Variants in TNNI3 observed in about 807,000 individuals in gnomAD.
TNNI3 encodes troponin I, cardiac muscle.
A neutral mutation model predicts 31.5 loss-of-function variants in TNNI3; 23 were observed. The ratio of observed to expected loss-of-function variants is 0.73; its 90% CI spans 0.52 to 1.03. The LOEUF is 1.03. Ranked by LOEUF, TNNI3 falls within the 50% of genes least tolerant of loss-of-function variation. TNNI3 has a pLI of 0.00. For synonymous variants in TNNI3, 120 were observed against 111.7 expected (o/e 1.07, Z -0.47); for missense variants, 236 against 282.9 (o/e 0.83, Z 1.19).
At chr19:55,154,682 A>G (rs2085715598) in intron 6 of TNNI3, 59 bp downstream of exon 6, 1 of 1,490,104 alleles carries the variant, frequency 6.7e-7, no homozygotes, top group Admixed American at 1.7e-5. Flanking sequence ...TCAGGCAGAG[A>G]CCAAGTCCCA....
Position 55,157,034 on chromosome 19 carries a change from G to A in TNNI3, c.108+16C>T. On this transcript the variant is annotated intron_variant, in intron 3 of 7. Coordinates refer to ENST00000344887, the MANE Select transcript of TNNI3 (RefSeq NM_000363.5). This position sits in a 1 kb window ranked among gnomAD's most constrained non-coding sequence, Gnocchi z 6.3. Reference sequence around the variant, plus strand: ...CTCCGGCGCCTGTACTCTGCCCCCAGGAAGCCCCGTCCCACCTTGGCGTGC... The same window carrying A: ...CTCCGGCGCCTGTACTCTGCCCCCAAGAAGCCCCGTCCCACCTTGGCGTGC... 1.3e-6 allele frequency: 2 copies of A among 1,575,374 alleles called. No individual in the cohort carries two copies. The highest frequency in any genetic ancestry group is 2.0e-4 in the Middle Eastern group (1 of 4,948).
chr19:55,153,521 G>A (rs892393287), intron 7 of TNNI3, among the ~76,000 whole-genome samples: 14 of 151,830 alleles, frequency 9.2e-5, no homozygotes, highest in East Asian at 7.8e-4. Context: ...TGCCACCACC[G>A]TGACTGGCTA....
intron 6 of TNNI3, 178 bp downstream of exon 6, chr19:55,154,563 A>G: frequency 1.4e-6 from 1 of 697,556 alleles, no homozygotes; most frequent in Non-Finnish European, 2.6e-6. Context: ...CCCTCTGCCT[A>G]GAACAGCTTT....
In TNNI3 at chr19:55,152,561, TA is replaced by T. The variant is rs1216764381; in HGVS notation, c.550-645del. Among the ~76,000 whole-genome samples, 28 of 152,224 alleles carry T rather than the reference TA, an allele frequency of 1.8e-4. No individual in the cohort carries two copies. The highest frequency in any genetic ancestry group is 5.9e-5 in the Non-Finnish European group (4 of 68,038). On this transcript the variant is annotated intron_variant, in intron 7 of 7. Transcript: ENST00000344887. This position sits in a 1 kb window ranked among gnomAD's most constrained non-coding sequence, Gnocchi z 4.0. ...GAAAAGAAGGGTGATTACAGTGCTA[TA>T]AGATATTTTGAGAAAGAGACCACAT...
Position 55,156,407 on chromosome 19 carries a change from G to A in TNNI3, c.151-75C>T. On this transcript the variant is annotated intron_variant, in intron 4 of 7. Transcript: ENST00000344887. This position sits in a 1 kb window ranked among gnomAD's most constrained non-coding sequence, Gnocchi z 4.6. The stretch of plus-strand genomic sequence containing the variant: ...AGACCAGGCGTGGGGAACCGCCTCT[G>A]CCCTTCTAAACCCTCCAGTTTGGTC... The A allele has an allele frequency of 1.9e-6, 3 of 1,547,228 alleles. No homozygotes were observed. The highest frequency in any genetic ancestry group is 2.3e-4 in the Middle Eastern group (1 of 4,372).
In TNNI3 at chr19:55,157,513, G is replaced by A; in HGVS notation, c.11+66C>T. 1 of 1,607,374 alleles carries A rather than the reference G, an allele frequency of 6.2e-7. No individual in the cohort carries two copies. Among genetic ancestry groups the A allele is most frequent in the South Asian group, 1.1e-5 (1 of 90,564 alleles). On this transcript the variant is annotated intron_variant, in intron 1 of 7. Transcript: ENST00000344887. The surrounding 1 kb of genome is among the most constrained non-coding windows in gnomAD (Gnocchi z 6.3). The stretch of plus-strand genomic sequence containing the variant: ...CGCAGGCCAAGGGTCCAGCCTCTCA[G>A]CTGCGACCCCTCTTGGGAACCCGGG...
At position 55,156,791 on chromosome 19, in the gene TNNI3, G is replaced by A. The variant is rs2085734474; in HGVS notation, c.109-147C>T. The A allele has an allele frequency of 2.1e-6, 2 of 947,980 alleles. No individual in the cohort carries two copies. Among genetic ancestry groups the A allele is most frequent in the South Asian group, 2.8e-5 (2 of 70,632 alleles). The allele number at this position is 947,980 out of a possible 1,614,324, so 58.7% of individuals were successfully genotyped here. On this transcript the variant is annotated intron_variant, in intron 3 of 7. Transcript: ENST00000344887. This position sits in a 1 kb window ranked among gnomAD's most constrained non-coding sequence, Gnocchi z 4.6. ...GAGCCCTGAGTCTACGGGAGGCCAC[G>A]CCCCTCATTCCCATCCACCAATCTG...
chr19:55,151,905 C>G lies in TNNI3; in HGVS notation c.562G>C (p.Val188Leu). 6.2e-7 allele frequency: 1 copy of G among 1,614,130 alleles called. No homozygotes were observed. The highest frequency in any genetic ancestry group is 8.5e-7 in the Non-Finnish European group (1 of 1,179,974). The change falls in exon 8 of 8, where the codon GTG becomes CTG. Residue 188 changes from valine to leucine, a missense_variant. Coordinates refer to ENST00000344887, the MANE Select transcript of TNNI3 (RefSeq NM_000363.5). ...TCGATGTTCTTGCGCCAGTCTCCCA[C>G]CTCCCGGTTTTCCTGGAGGATGGCG... ...KEDTEKENRE[V>L]GDWRKNIDAL...
chr19:55,156,578 C>A lies in TNNI3; in HGVS notation c.150+25G>T. The A allele has an allele frequency of 1.3e-6, 2 of 1,557,798 alleles. No individual in the cohort carries two copies. Among genetic ancestry groups the A allele is most frequent in the East Asian group, 4.8e-5 (2 of 41,628 alleles). ...TCCGCCCCCTGAGCACCTGCCTGCT[C>A]TTTCCCAGTCCCGCCCGTCCTCACC... On this transcript the variant is annotated intron_variant, in intron 4 of 7. Transcript: ENST00000344887. This position sits in a 1 kb window ranked among gnomAD's most constrained non-coding sequence, Gnocchi z 4.6.
At chr19:55,154,002 C>T in intron 7 of TNNI3, 28 bp downstream of exon 7, 3 of 1,610,580 alleles carry the variant, frequency 1.9e-6, no homozygotes, top group Non-Finnish European at 8.5e-7. Flanking sequence ...CCTCAGCATC[C>T]TCTTTCCTGG....
In TNNI3 at chr19:55,157,148, G is replaced by T; in HGVS notation, c.25-15C>A. On this transcript the variant is annotated splice_polypyrimidine_tract_variant and intron_variant, in intron 2 of 7. Coordinates refer to ENST00000344887, the MANE Select transcript of TNNI3 (RefSeq NM_000363.5). This position sits in a 1 kb window ranked among gnomAD's most constrained non-coding sequence, Gnocchi z 6.3. ...GGTTCCCTAGCCTGGGTTAGGAGGA[G>T]TGGGGACCCCATCACCACCAAGACC... The T allele has an allele frequency of 6.3e-7, 1 of 1,595,204 alleles. No homozygotes were observed. The highest frequency in any genetic ancestry group is 8.5e-7 in the Non-Finnish European group (1 of 1,172,722).
Position 55,153,428 on chromosome 19 carries a change from G to A in TNNI3, c.549+602C>T, listed in dbSNP as rs140785087. The stretch of plus-strand genomic sequence containing the variant: ...CTCACTGTATTGCCCAGGCTGGAGT[G>A]CAGTGGTGCAGTCATAGCTCACTGC... On this transcript the variant is annotated intron_variant, in intron 7 of 7. Coordinates refer to ENST00000344887, the MANE Select transcript of TNNI3 (RefSeq NM_000363.5). 3.2e-3 allele frequency among the ~76,000 whole-genome samples: 485 copies of A among 152,208 alleles called. 3 individuals are homozygous for A. Among genetic ancestry groups the A allele is most frequent in the African/African-American group, 0.011 (455 of 41,534 alleles).
Position 55,156,831 on chromosome 19 carries a change from G to T in TNNI3, c.109-187C>A. 3.6e-6 allele frequency: 3 copies of T among 839,660 alleles called. No homozygotes were observed. The highest frequency in any genetic ancestry group is 5.8e-6 in the Non-Finnish European group (3 of 516,500). The allele number at this position is 839,660 out of a possible 1,614,324, so 52.0% of individuals were successfully genotyped here. A position where few individuals can be genotyped will look rare whatever the true frequency, so the allele number is the denominator to read the frequency against. Reference sequence around the variant, plus strand: ...CCACCAATCTGGGTCTCTTCCTTTGGATAGGCACTTCCCATCTATCCCTAA... The same window carrying T: ...CCACCAATCTGGGTCTCTTCCTTTGTATAGGCACTTCCCATCTATCCCTAA... On this transcript the variant is annotated intron_variant, in intron 3 of 7. Coordinates refer to ENST00000344887, the MANE Select transcript of TNNI3 (RefSeq NM_000363.5). This position sits in a 1 kb window ranked among gnomAD's most constrained non-coding sequence, Gnocchi z 4.6.
At position 55,157,713 on chromosome 19, in the gene TNNI3, T is replaced by G; in HGVS notation, c.-124A>C. 9.1e-7 allele frequency: 1 copy of G among 1,097,430 alleles called. No homozygotes were observed. Among genetic ancestry groups the G allele is most frequent in the Non-Finnish European group, 1.4e-6 (1 of 727,170 alleles). 68.0% of individuals were successfully genotyped at this position (1,097,430 alleles called of 1,614,324 possible). On this transcript the variant is annotated 5_prime_UTR_variant, in exon 1 of 8. Coordinates refer to ENST00000344887, the MANE Select transcript of TNNI3 (RefSeq NM_000363.5). This position sits in a 1 kb window ranked among gnomAD's most constrained non-coding sequence, Gnocchi z 6.3. ...GACCGTCAGTCTCCTCCGGGCTGCTTGAGACTCCCCGAGGACACTGAGATA... is the reference window on the plus strand; with the variant it reads ...GACCGTCAGTCTCCTCCGGGCTGCTGGAGACTCCCCGAGGACACTGAGATA...
At chr19:55,155,052 G>A (rs1242513381) in intron 5 of TNNI3, among the ~76,000 whole-genome samples, 2 of 145,020 alleles carry the variant, frequency 1.4e-5, no homozygotes, top group African/African-American at 5.1e-5. Flanking sequence ...TGGGTCTGAG[G>A]GAGGAGGGGC....
At position 55,156,650 on chromosome 19, in the gene TNNI3, A is replaced by T; in HGVS notation, c.109-6T>A. On this transcript the variant is annotated splice_polypyrimidine_tract_variant and splice_region_variant and intron_variant, in intron 3 of 7. Coordinates refer to ENST00000344887, the MANE Select transcript of TNNI3 (RefSeq NM_000363.5). This position sits in a 1 kb window ranked among gnomAD's most constrained non-coding sequence, Gnocchi z 4.6. ...GCGGAGATCTTAGATTTTTTCTGCC[A>T]GGGTGAGATGGAGCAAGGAAGGATC... 6.4e-7 allele frequency: 1 copy of T among 1,563,858 alleles called. No individual in the cohort carries two copies. The highest frequency in any genetic ancestry group is 8.7e-7 in the Non-Finnish European group (1 of 1,152,478).
At chr19:55,155,948 G>A (rs2085726504) in intron 5 of TNNI3, among the ~76,000 whole-genome samples, 1 of 142,466 alleles carries the variant, frequency 7.0e-6, no homozygotes, top group African/African-American at 2.8e-5. Context: ...GGACTCCAGG[G>A]TCTGAGGGAG....
chr19:55,155,183 C>T, intron 5 of TNNI3, among the ~76,000 whole-genome samples: 1 of 48,744 alleles, frequency 2.1e-5, no homozygotes. Flanking sequence ...GGGGCCTGGA[C>T]TTCAGGGTCT....
intron 5 of TNNI3, among the ~76,000 whole-genome samples, chr19:55,155,141 A>C (rs12978887): frequency 8.2e-4 from 23 of 27,938 alleles, no homozygotes; most frequent in African/African-American, 1.3e-3. Flanking sequence ...GGGGCTGGGG[A>C]CTGGACTCCT....
Sources: allele counts gnomAD v4.1 joint callset (sites outside exome capture counted in the v4.1 genomes callset), GRCh38; gene constraint gnomAD v4.1.1; non-coding constraint Gnocchi (gnomAD v3.1); transcripts MANE v1.5; gene names NCBI Gene and HGNC (gene_info 2026-07-23, HGNC 2026-07-21).